SEMA3D: variants seen among roughly 807,000 people sequenced by gnomAD.
SEMA3D encodes the protein semaphorin 3D.
SEMA3D carries 84 observed loss-of-function variants against 100.1 expected under a neutral mutation model. The ratio of observed to expected loss-of-function variants is 0.84; its 90% CI spans 0.70 to 1.01. The LOEUF is 1.01. SEMA3D is among the 50% of genes least tolerant of loss of function. The pLI is 0.00. For synonymous variants in SEMA3D, 312 were observed against 320.7 expected, an observed-to-expected ratio of 0.97 and a Z score of 0.29; for missense variants, 875 against 934.1, an observed-to-expected ratio of 0.94 and a Z score of 0.82.
chr7:85,098,505 A>G (rs983219059), intron 3 of SEMA3D, among the ~76,000 whole-genome samples: 2 of 151,754 alleles, frequency 1.3e-5, no homozygotes, highest in African/African-American at 4.8e-5. Context: ...ATTTTTTTCT[A>G]CTTTTTAAAA....
At chr7:85,163,513 A>C (rs1467435984) in intron 1 of SEMA3D, among the ~76,000 whole-genome samples, 1 of 152,126 alleles carries the variant, frequency 6.6e-6, no homozygotes, top group Non-Finnish European at 1.5e-5. Context: ...AGAAAAAAAG[A>C]ATCAACTCTC....
At chr7:85,211,309 G>A in the SEMA3D span, among the ~76,000 whole-genome samples, 14 of 151,972 alleles carry the variant, frequency 9.2e-5, no homozygotes, top group Non-Finnish European at 2.1e-4. Flanking sequence ...TAGTCTCTGT[G>A]AGGACATTTT....
intron 9 of SEMA3D, among the ~76,000 whole-genome samples, chr7:85,043,311 T>A (rs1230998500): frequency 2.0e-5 from 3 of 152,140 alleles, no homozygotes; most frequent in Admixed American, 2.0e-4. Context: ...GTGAGCCATG[T>A]TTGTGCCACT....
intron 4 of SEMA3D, among the ~76,000 whole-genome samples, chr7:85,084,448 C>G (rs1788160432): frequency 6.6e-6 from 1 of 152,066 alleles, no homozygotes; most frequent in African/African-American, 2.4e-5. Flanking sequence ...TTACAAAGGA[C>G]AACTTTATAT....
chr7:85,028,127 G>C (rs1562788508), intron 12 of SEMA3D: 1 of 640,214 alleles, frequency 1.6e-6, no homozygotes, highest in East Asian at 3.1e-5. Flanking sequence ...ATGCTGGCAG[G>C]CCCAAGGTCC....
Position 85,162,277 on chromosome 7 carries a change from C to T in SEMA3D, c.-172-8538G>A, listed in dbSNP as rs772509214. Among the ~76,000 whole-genome samples, 7 of 152,018 alleles carry T rather than the reference C, an allele frequency of 4.6e-5. No individual in the cohort carries two copies. In the East Asian group the frequency reaches 7.7e-4, roughly 17 times the overall value. The stretch of plus-strand genomic sequence containing the variant: ...TCCTTCCACTGCACTGTATGTCCTG[C>T]GCAATTCATGTACTAAGTCACAGCA... On this transcript the variant is annotated intron_variant, in intron 1 of 18. Transcript: ENST00000284136.
the SEMA3D span, among the ~76,000 whole-genome samples, chr7:85,206,466 C>T: frequency 1.3e-5 from 2 of 152,000 alleles, no homozygotes; most frequent in African/African-American, 2.4e-5. Flanking sequence ...ACATCATATG[C>T]CTATTGTAGT....
At chr7:85,032,278 C>T (rs754306691) in intron 12 of SEMA3D, among the ~76,000 whole-genome samples, 30 of 151,900 alleles carry the variant, frequency 2.0e-4, no homozygotes, top group Non-Finnish European at 1.2e-4. Context: ...ATTTGTATAA[C>T]AGATTTTCAC....
rs780275353 is a variant in SEMA3D, at chr7:85,081,472, T to C, written c.375+45A>G. On this transcript the variant is annotated intron_variant, in intron 5 of 18. Coordinates refer to ENST00000284136, the MANE Select transcript of SEMA3D (RefSeq NM_001384900.1). ...CCCAATATAAATATTTGCTATCATA[T>C]CAGTAGAAGTTTTACAAAGATAATT... The C allele has an allele frequency of 1.6e-6, 2 of 1,229,800 alleles. No homozygotes were observed. Among genetic ancestry groups the C allele is most frequent in the Admixed American group, 1.7e-5 (1 of 59,252 alleles). 76.2% of individuals were successfully genotyped at this position (1,229,800 alleles called of 1,614,324 possible).
chr7:85,144,573 T>G, intron 2 of SEMA3D: 1 of 985,128 alleles, frequency 1.0e-6, no homozygotes, highest in Non-Finnish European at 1.2e-6. Flanking sequence ...CCATCAGGAT[T>G]TCCGTGAGGA....
chr7:85,047,479 A>T (rs1247062161), intron 9 of SEMA3D, among the ~76,000 whole-genome samples: 1 of 151,788 alleles, frequency 6.6e-6, no homozygotes, highest in African/African-American at 2.4e-5. Context: ...TTCCTCTGTT[A>T]AACGTGATTT....
intron 6 of SEMA3D, among the ~76,000 whole-genome samples, chr7:85,070,983 T>C (rs1301317401): frequency 6.6e-6 from 1 of 152,154 alleles, no homozygotes; most frequent in Non-Finnish European, 1.5e-5. Context: ...TTTCACCATG[T>C]TGGCAAGGCT....
intron 1 of SEMA3D, among the ~76,000 whole-genome samples, chr7:85,184,749 T>A (rs1460997861): frequency 6.6e-6 from 1 of 152,210 alleles, no homozygotes; most frequent in African/African-American, 2.4e-5. Flanking sequence ...CCACATCACC[T>A]TCCTGTATTT....
At chr7:85,231,228 T>C in the SEMA3D span, among the ~76,000 whole-genome samples, 1 of 152,300 alleles carries the variant, frequency 6.6e-6, no homozygotes, top group Non-Finnish European at 1.5e-5. Context: ...CTGTAGCGTC[T>C]ACTTTATCGT....
chr7:85,030,529 A>G (rs187398539), intron 12 of SEMA3D, among the ~76,000 whole-genome samples: 1 of 152,064 alleles, frequency 6.6e-6, no homozygotes, highest in East Asian at 1.9e-4. Flanking sequence ...GTAGTTATTT[A>G]AAAATGGTGG....
chr7:85,240,885 C>T, the SEMA3D span, among the ~76,000 whole-genome samples: 174 of 152,090 alleles, frequency 1.1e-3, 2 homozygotes, highest in Admixed American at 7.9e-3. Flanking sequence ...TTCCAACCCA[C>T]AGAGTAGGAG....
chr7:85,163,768 C>A (rs569431391), intron 1 of SEMA3D, among the ~76,000 whole-genome samples: 7 of 152,164 alleles, frequency 4.6e-5, no homozygotes, highest in African/African-American at 1.7e-4. Flanking sequence ...TTGCTTTCAA[C>A]CAGCCAAATG....
chr7:85,016,787 C>CTTT lies in SEMA3D; in HGVS notation c.1545+1462_1545+1464dup, dbSNP rs35691304. On this transcript the variant is annotated intron_variant, in intron 15 of 18. Transcript: ENST00000284136. Reference sequence around the variant, plus strand: ...GTTTGTTTGTTTTCCTTTTCAATGGCTTTTTTTTTTTTTTTTGAGCCAGGT... The same window carrying CTTT: ...GTTTGTTTGTTTTCCTTTTCAATGGCTTTTTTTTTTTTTTTTTTTGAGCCAGGT... Among the ~76,000 whole-genome samples, 418 of 132,362 alleles carry CTTT rather than the reference C, an allele frequency of 3.2e-3. 7 individuals carry two copies. The highest frequency in any genetic ancestry group is 0.011 in the African/African-American group (392 of 35,424). The allele number at this position is 132,362 out of a possible 152,430, so 86.8% of individuals were successfully genotyped here.
chr7:85,016,604 G>A (rs1216332781), intron 15 of SEMA3D, among the ~76,000 whole-genome samples: 1 of 151,416 alleles, frequency 6.6e-6, no homozygotes, highest in African/African-American at 2.4e-5. Flanking sequence ...TGGATTACTT[G>A]TAAGTGTCCT....
Sources: gnomAD v4.1 joint callset for allele counts (sites outside exome capture counted in the v4.1 genomes callset) on GRCh38, gnomAD v4.1.1 for gene constraint, MANE v1.5 for transcripts, NCBI Gene and HGNC (gene_info 2026-07-23, HGNC 2026-07-21) for gene names.